CUBN: variants seen among roughly 807,000 people sequenced by gnomAD.
The protein encoded by CUBN is cubilin, also known as 460 kDa receptor.
A neutral mutation model predicts 405.3 loss-of-function variants in CUBN; 282 were observed. The ratio of observed to expected loss-of-function variants is 0.70; its 90% CI spans 0.63 to 0.77. The LOEUF (loss-of-function observed/expected upper bound fraction) is 0.77. CUBN is among the 30% of genes least tolerant of loss of function. CUBN has a pLI of 0.00. For synonymous variants in CUBN, 1,684 were observed against 1,617.0 expected, an observed-to-expected ratio of 1.04 and a Z score of -0.99; for missense variants, 4,514 against 4,475.2, an observed-to-expected ratio of 1.01 and a Z score of -0.25.
At chr10:16,900,012 CA>C (rs1409791509) in intron 53 of CUBN, among the ~76,000 whole-genome samples, 1 of 152,196 alleles carries the variant, frequency 6.6e-6, no homozygotes, top group Non-Finnish European at 1.5e-5. Context: ...TTTCTATGCA[CA>C]AAAACTATTC....
chr10:17,083,115 G>C lies in CUBN; in HGVS notation c.2301+1156C>G, dbSNP rs528961012. Among the ~76,000 whole-genome samples the C allele has an allele frequency of 2.6e-5, 4 of 152,036 alleles. No homozygotes were observed. In the South Asian group the frequency reaches 8.3e-4, roughly 32 times the overall value. ...TAAAAATATTTGAAATTCTTCCGTAGTGTAAAACTTTAATATACTTTATAA... is the reference window on the plus strand; with the variant it reads ...TAAAAATATTTGAAATTCTTCCGTACTGTAAAACTTTAATATACTTTATAA... On this transcript the variant is annotated intron_variant, in intron 17 of 66. Transcript: ENST00000377833.
chr10:17,064,680 T>C (rs999478574), intron 22 of CUBN, among the ~76,000 whole-genome samples: 10 of 152,180 alleles, frequency 6.6e-5, no homozygotes, highest in Non-Finnish European at 1.3e-4. Flanking sequence ...TAACGAAATA[T>C]GACTCCTTCA....
At chr10:16,916,241 C>A (rs1588646931) in intron 45 of CUBN, among the ~76,000 whole-genome samples, 1 of 152,084 alleles carries the variant, frequency 6.6e-6, no homozygotes, top group Admixed American at 6.6e-5. Flanking sequence ...GAAATGATAC[C>A]ACAAGTCCAA....
intron 4 of CUBN, among the ~76,000 whole-genome samples, 155 bp from the exon 5 acceptor site, chr10:17,123,844 C>T (rs1227963051): frequency 6.6e-6 from 1 of 152,174 alleles, no homozygotes; most frequent in Non-Finnish European, 1.5e-5. Context: ...CAAATCACCT[C>T]TCTTGTGAAA....
Position 16,941,754 on chromosome 10 carries a change from A to T in CUBN, c.5343-1517T>A, listed in dbSNP as rs986850749. 2.6e-5 allele frequency among the ~76,000 whole-genome samples: 4 copies of T among 152,126 alleles called. 1 individual carries two copies. The highest frequency in any genetic ancestry group is 9.7e-5 in the African/African-American group (4 of 41,428). ...CTACTTGGGAGGCTGAGGCAGGAAGATGGCTTAAGCCTGGGAGATAGAGGC... is the reference window on the plus strand; with the variant it reads ...CTACTTGGGAGGCTGAGGCAGGAAGTTGGCTTAAGCCTGGGAGATAGAGGC... On this transcript the variant is annotated intron_variant, in intron 36 of 66. Coordinates refer to ENST00000377833, the MANE Select transcript of CUBN (RefSeq NM_001081.4).
chr10:16,836,579 A>T (rs1435611109), intron 62 of CUBN, among the ~76,000 whole-genome samples, 197 bp from the exon 63 acceptor site: 4 of 152,242 alleles, frequency 2.6e-5, no homozygotes, highest in Non-Finnish European at 5.9e-5. Context: ...GAGGGGCAGG[A>T]GGAAGGGAGG....
chr10:17,096,683 C>T (rs1488206666), intron 14 of CUBN, among the ~76,000 whole-genome samples: 2 of 151,998 alleles, frequency 1.3e-5, no homozygotes, highest in African/African-American at 2.4e-5. Flanking sequence ...AGGACTACAT[C>T]TAACCATTAC....
intron 22 of CUBN, among the ~76,000 whole-genome samples, chr10:17,063,934 T>A (rs1036962630): frequency 6.6e-6 from 1 of 152,210 alleles, no homozygotes; most frequent in Non-Finnish European, 1.5e-5. Context: ...TTGCTCCAAA[T>A]CCTGATCTAA....
In CUBN at chr10:17,046,093, C is replaced by G. The variant is rs755317793; in HGVS notation, c.3331G>C (p.Asp1111His). ...AATGGTGATTTTTCATAGCCTCCAT[C>G]TCTGGCAGAATACAGAAATTAAAAT... ...NYYTDFLEIRDGGYEKSPLLG... is the reference protein window; with the variant it reads ...NYYTDFLEIRHGGYEKSPLLG... Residue 1111 changes from aspartate to histidine, a missense_variant and splice_region_variant, in exon 24 of 67, where the codon GAT (aspartate) becomes CAT (histidine). By Grantham distance (81) the Asp-to-His change is moderately conservative. Coordinates refer to ENST00000377833, the MANE Select transcript of CUBN (RefSeq NM_001081.4). 21 of 1,612,926 alleles carry G rather than the reference C, an allele frequency of 1.3e-5. No individual in the cohort carries two copies. Among genetic ancestry groups the G allele is most frequent in the Non-Finnish European group, 1.8e-5 (21 of 1,179,186 alleles).
At chr10:17,042,898 ATAAATTT>A (rs1450537120) in intron 26 of CUBN, among the ~76,000 whole-genome samples, 3 of 152,186 alleles carry the variant, frequency 2.0e-5, no homozygotes, top group African/African-American at 7.2e-5. Context: ...AAAATTATGG[ATAAATTT>A]TGATTCTGTG....
In CUBN at chr10:17,068,144, T is replaced by C. The variant is rs766677248; in HGVS notation, c.2928A>G (p.Thr976=). 6.2e-7 allele frequency: 1 copy of C among 1,613,578 alleles called. No individual in the cohort carries two copies. Among genetic ancestry groups the C allele is most frequent in the East Asian group, 2.2e-5 (1 of 44,858 alleles). Residue 976 remains threonine, a synonymous_variant, in exon 21 of 67, where the codon ACA becomes ACG. Transcript: ENST00000377833. ...PNHLIHLMFE[T]FHLEFHYNCT... is the part of the protein sequence containing the mutation. ...AATTGTAATGAAACTCCAGATGAAA[T>C]GTTTCGAACATTAAATGAATCAGGT...
At chr10:16,987,581 T>C (rs568690291) in intron 29 of CUBN, among the ~76,000 whole-genome samples, 37 of 152,304 alleles carry the variant, frequency 2.4e-4, no homozygotes, top group South Asian at 2.1e-3. Flanking sequence ...TGAATAAATT[T>C]TGTGAAACCC....
intron 40 of CUBN, among the ~76,000 whole-genome samples, chr10:16,932,077 T>TGCTGATGG (rs1588662160): frequency 6.6e-6 from 1 of 152,174 alleles, no homozygotes; most frequent in African/African-American, 2.4e-5. Context: ...GATAGCCGAT[T>TGCTGATGG]GCTGATGGGA....
chr10:16,977,893 A>T (rs1227614835), intron 31 of CUBN, among the ~76,000 whole-genome samples: 1 of 152,254 alleles, frequency 6.6e-6, no homozygotes, highest in Non-Finnish European at 1.5e-5. Context: ...ATGTCCTGTA[A>T]CGGAGGTCAG....
intron 6 of CUBN, among the ~76,000 whole-genome samples, chr10:17,121,127 T>C (rs1260763395): frequency 2.0e-5 from 3 of 152,190 alleles, no homozygotes; most frequent in Non-Finnish European, 4.4e-5. Flanking sequence ...AAAAGCTCTT[T>C]AATAACATAA....
rs537785534 is a variant in CUBN at position 16,943,387 on chromosome 10, T to C, written c.5343-3150A>G. ...TCAGACAAAACAAACCACATATTTGTCTCCTTTGACAATCTGATGATTTAT... is the reference window on the plus strand; with the variant it reads ...TCAGACAAAACAAACCACATATTTGCCTCCTTTGACAATCTGATGATTTAT... On this transcript the variant is annotated intron_variant, in intron 36 of 66. Coordinates refer to ENST00000377833, the MANE Select transcript of CUBN (RefSeq NM_001081.4). Among the ~76,000 whole-genome samples the C allele has an allele frequency of 2.0e-5, 3 of 152,316 alleles. No individual in the cohort carries two copies. The East Asian group carries it at 5.8e-4, about 29-fold the overall frequency.
At chr10:16,835,757 C>A (rs1286793494) in intron 63 of CUBN, among the ~76,000 whole-genome samples, 1 of 151,862 alleles carries the variant, frequency 6.6e-6, no homozygotes, top group African/African-American at 2.4e-5. Flanking sequence ...GTAACTCTTT[C>A]AAGGCTTTTT....
chr10:16,980,944 G>A lies in CUBN; in HGVS notation c.4695+1540C>T, dbSNP rs150065597. Among the ~76,000 whole-genome samples the A allele has an allele frequency of 8.8e-4, 134 of 152,050 alleles. 2 individuals are homozygous for A. In the East Asian group the frequency reaches 0.025, roughly 28 times the overall value. On this transcript the variant is annotated intron_variant, in intron 31 of 66. Transcript: ENST00000377833. The stretch of plus-strand genomic sequence containing the variant: ...AACTTCATTCACTCTTATATGAAGC[G>A]CAAAGCATTAGTTTCAGGTAGGAAT...
rs748197779 is a variant in CUBN, at chr10:16,937,736, C to T, written c.5782G>A (p.Gly1928Ser). The T allele has an allele frequency of 1.5e-5, 24 of 1,613,878 alleles. No homozygotes were observed. The highest frequency in any genetic ancestry group is 3.3e-5 in the Admixed American group (2 of 59,972). The change falls in exon 39 of 67, where the codon GGT (glycine) becomes AGT (serine). Residue 1928 changes from glycine (G) to serine (S), a missense_variant. By Grantham distance (56) the Gly-to-Ser change is moderately conservative. This residue lies in a region of CUBN where 1,613 missense variants were observed against 1,542.8 expected (regional missense o/e 1.05). Coordinates refer to ENST00000377833, the MANE Select transcript of CUBN (RefSeq NM_001081.4). The part of the protein sequence containing the change: ...IHARLIGAYC[G>S]TQTESFSSTG... Reference sequence around the variant, plus strand: ...GAGCTGAAAGATTCAGTCTGGGTACCACAGTAAGCTCCAATTAGGCGGGCG... The same window carrying T: ...GAGCTGAAAGATTCAGTCTGGGTACTACAGTAAGCTCCAATTAGGCGGGCG...
Sources: allele counts gnomAD v4.1 joint callset (sites outside exome capture counted in the v4.1 genomes callset), GRCh38; gene constraint gnomAD v4.1.1; regional missense constraint gnomAD v4.1.1; transcripts MANE v1.5; gene names NCBI Gene and HGNC (gene_info 2026-07-23, HGNC 2026-07-21).